Variants in SLC22A9 observed in about 807,000 individuals in gnomAD.
SLC22A9 encodes the protein organic anion transporter 7.
A neutral mutation model predicts 50.1 loss-of-function variants in SLC22A9; 64 were observed. The ratio of observed to expected loss-of-function variants is 1.28; its 90% CI spans 1.04 to 1.57. SLC22A9 has a LOEUF of 1.57. Ranked by LOEUF, SLC22A9 falls within the 40% of genes most tolerant of loss-of-function variation. SLC22A9 has a pLI of 0.00. For synonymous variants in SLC22A9, 261 were observed against 242.5 expected (o/e 1.08, Z -0.71); for missense variants, 757 against 676.1 (o/e 1.12, Z -1.33).
chr11:63,388,155 T>C (rs896485211), intron 6 of SLC22A9, among the ~76,000 whole-genome samples: 16 of 152,138 alleles, frequency 1.1e-4, no homozygotes, highest in Non-Finnish European at 2.1e-4. Context: ...TTGAATGTCC[T>C]TGATTTCTTT....
At chr11:63,397,622 C>G (rs868440227) in intron 6 of SLC22A9, among the ~76,000 whole-genome samples, 1 of 152,028 alleles carries the variant, frequency 6.6e-6, no homozygotes, top group Non-Finnish European at 1.5e-5. Context: ...TCTTCCCACC[C>G]TTTTCCACAA....
At position 63,396,196 on chromosome 11, in the gene SLC22A9, C is replaced by T. The variant is rs576208241; in HGVS notation, c.1074-10301C>T. On this transcript the variant is annotated intron_variant, in intron 6 of 9. Coordinates refer to ENST00000279178, the MANE Select transcript of SLC22A9 (RefSeq NM_080866.3). ...CTGTGGAGTCTGCAGGCCAAATTCG[C>T]ACTCTCTCCCAAGTTCTGGCCAGGA... is the stretch of plus-strand genomic sequence containing the variant. Among the ~76,000 whole-genome samples the T allele has an allele frequency of 2.2e-4, 33 of 152,282 alleles. 1 individual carries two copies. In the South Asian group the frequency reaches 4.6e-3, roughly 21 times the overall value.
At chr11:63,372,322 C>T (rs935160699) in intron 2 of SLC22A9, among the ~76,000 whole-genome samples, 11 of 100,656 alleles carry the variant, frequency 1.1e-4, no homozygotes, top group Admixed American at 2.9e-4. Flanking sequence ...ATCTTAAAAT[C>T]GGAAATAATC....
chr11:63,408,998 C>A, intron 9 of SLC22A9, 119 bp downstream of exon 9: 1 of 1,119,784 alleles, frequency 8.9e-7, no homozygotes, highest in Non-Finnish European at 1.3e-6. Context: ...AGGATTTTCC[C>A]ATGTAATCAG....
intron 6 of SLC22A9, among the ~76,000 whole-genome samples, chr11:63,388,968 G>A (rs1206734294): frequency 6.6e-6 from 1 of 152,052 alleles, no homozygotes; most frequent in Non-Finnish European, 1.5e-5. Context: ...GCATATAGTT[G>A]TTAATGGTAG....
intron 6 of SLC22A9, 39 bp from the exon 7 acceptor site, chr11:63,406,458 C>A: frequency 6.4e-7 from 1 of 1,569,460 alleles, no homozygotes; most frequent in Non-Finnish European, 8.8e-7. Context: ...GTAGGCTCCA[C>A]AGATTATAAT....
intron 6 of SLC22A9, among the ~76,000 whole-genome samples, chr11:63,382,786 C>A (rs531998287): frequency 6.6e-6 from 1 of 152,206 alleles, no homozygotes; most frequent in Non-Finnish European, 1.5e-5. Context: ...ATGATTGGAT[C>A]CAAATACCTC....
rs771018166 is a variant in SLC22A9, at chr11:63,370,035, G to C, written c.-22G>C. ...GGATACAGTCATTTTGCCTCTACTT[G>C]AGGATCAACTGTTCAACCTCAATGG... On this transcript the variant is annotated 5_prime_UTR_variant, in exon 1 of 10. Coordinates refer to ENST00000279178, the MANE Select transcript of SLC22A9 (RefSeq NM_080866.3). 6.3e-7 allele frequency: 1 copy of C among 1,596,050 alleles called. No individual in the cohort carries two copies. The highest frequency in any genetic ancestry group is 2.2e-5 in the East Asian group (1 of 44,794).
At chr11:63,393,702 C>T (rs1316020929) in intron 6 of SLC22A9, among the ~76,000 whole-genome samples, 7 of 151,978 alleles carry the variant, frequency 4.6e-5, no homozygotes, top group African/African-American at 7.2e-5. Flanking sequence ...GTGGGTAACC[C>T]GAACTTTCTC....
At chr11:63,394,973 A>G (rs2014828222) in intron 6 of SLC22A9, among the ~76,000 whole-genome samples, 1 of 151,698 alleles carries the variant, frequency 6.6e-6, no homozygotes, top group Admixed American at 6.6e-5. Flanking sequence ...GATTGGGTTA[A>G]TTTGAAGATC....
At chr11:63,396,893 G>C (rs559210940) in intron 6 of SLC22A9, among the ~76,000 whole-genome samples, 5 of 152,210 alleles carry the variant, frequency 3.3e-5, no homozygotes, top group African/African-American at 1.2e-4. Flanking sequence ...TACTTGGTGA[G>C]GTAATGTTTC....
intron 6 of SLC22A9, among the ~76,000 whole-genome samples, chr11:63,396,564 A>G (rs933957113): frequency 2.6e-5 from 4 of 152,070 alleles, no homozygotes; most frequent in Non-Finnish European, 5.9e-5. Flanking sequence ...CTCCTGCAGG[A>G]GCAGTCGGCT....
intron 4 of SLC22A9, 98 bp from the exon 5 acceptor site, chr11:63,375,547 G>A: frequency 6.7e-7 from 1 of 1,496,678 alleles, no homozygotes; most frequent in East Asian, 2.3e-5. Context: ...AACAAGTGGT[G>A]GATATTAGCT....
chr11:63,373,509 A>T, intron 2 of SLC22A9, 135 bp from the exon 3 acceptor site: 1 of 793,132 alleles, frequency 1.3e-6, no homozygotes, highest in Middle Eastern at 3.8e-4. Context: ...GCCATTGATT[A>T]CTGATTCTTT....
chr11:63,402,482 C>G (rs1290793999), intron 6 of SLC22A9, among the ~76,000 whole-genome samples: 1 of 151,816 alleles, frequency 6.6e-6, no homozygotes. Context: ...TGTATCTGCT[C>G]TTATGCCAGT....
chr11:63,406,806 G>A (rs570761000), intron 7 of SLC22A9, 95 bp downstream of exon 7: 19 of 1,346,212 alleles, frequency 1.4e-5, no homozygotes, highest in Non-Finnish European at 1.8e-5. Flanking sequence ...GAAGGAAAGG[G>A]AGAATTGGGT....
rs1218271748 is a variant in SLC22A9 at position 63,400,353 on chromosome 11, G to A, written c.1074-6144G>A. ...ACAACTGACATCACAGAAATCCAATGGATCATTAGAGACTATTATGAGCAA... is the reference window on the plus strand; with the variant it reads ...ACAACTGACATCACAGAAATCCAATAGATCATTAGAGACTATTATGAGCAA... On this transcript the variant is annotated intron_variant, in intron 6 of 9. Transcript: ENST00000279178. Among the ~76,000 whole-genome samples, 3 of 151,996 alleles carry A rather than the reference G, an allele frequency of 2.0e-5. No homozygotes were observed. In the East Asian group the frequency reaches 5.8e-4, roughly 29 times the overall value.
chr11:63,386,576 A>T, intron 6 of SLC22A9, among the ~76,000 whole-genome samples: 1 of 146,558 alleles, frequency 6.8e-6, no homozygotes, highest in East Asian at 2.0e-4. Flanking sequence ...CCAGGAATTT[A>T]TCTATTTCTT....
chr11:63,409,214 AAC>A (rs924410346), intron 9 of SLC22A9, among the ~76,000 whole-genome samples: 2 of 152,138 alleles, frequency 1.3e-5, no homozygotes, highest in Non-Finnish European at 2.9e-5. Flanking sequence ...CAGAGATCCA[AAC>A]ACCAGATTTT....
Sources: allele counts gnomAD v4.1 joint callset (sites outside exome capture counted in the v4.1 genomes callset), GRCh38; gene constraint gnomAD v4.1.1; transcripts MANE v1.5; gene names NCBI Gene and HGNC (gene_info 2026-07-23, HGNC 2026-07-21).